GFAP: variants seen among roughly 807,000 people sequenced by gnomAD.
GFAP encodes the protein intermediate filament protein.
GFAP carries 38 observed loss-of-function variants against 49.3 expected under a neutral mutation model. That is an observed-to-expected ratio of 0.77 (90% CI 0.60 to 1.01). The LOEUF is 1.01. Among genes scored for constraint, GFAP ranks in the 50% least tolerant of loss-of-function variants. The pLI is 0.00. For missense variants in GFAP, 463 were observed against 579.1 expected (o/e 0.80, Z 2.06); for synonymous variants, 222 against 236.4 (o/e 0.94, Z 0.56).
rs988078929 is a variant in GFAP, at chr17:44,904,068, C to T, written c.*3279G>A. The stretch of plus-strand genomic sequence containing the variant: ...GGTAGCAGCCACACCAAAGTGCTGA[C>T]GGACTTTGATGGGCGGGTGCTGACG... On this transcript the variant is annotated 3_prime_UTR_variant, in exon 9 of 9. Coordinates refer to ENST00000588735, the MANE Select transcript of GFAP (RefSeq NM_002055.5). 2.5e-5 allele frequency: 39 copies of T among 1,550,520 alleles called. No individual in the cohort carries two copies. In the African/African-American group the frequency reaches 3.0e-4, roughly 12 times the overall value.
At chr17:44,914,347 A>G (rs893548285) in intron 1 of GFAP, 1 of 542,576 alleles carries the variant, frequency 1.8e-6, no homozygotes, top group African/African-American at 1.9e-5. Flanking sequence ...GCGCATCCAC[A>G]AGCATACACT....
In GFAP at chr17:44,904,270, G is replaced by T; in HGVS notation, c.*3077C>A. ...ACATCCAGAACAGTGAGGGAATGGT[G>T]GCCACTTTCCAGGACAAGGGCCAGG... On this transcript the variant is annotated 3_prime_UTR_variant, in exon 9 of 9. Coordinates refer to ENST00000588735, the MANE Select transcript of GFAP (RefSeq NM_002055.5). The T allele has an allele frequency of 6.5e-7, 1 of 1,550,280 alleles. No individual in the cohort carries two copies. Among genetic ancestry groups the T allele is most frequent in the Non-Finnish European group, 8.7e-7 (1 of 1,146,882 alleles).
Position 44,904,168 on chromosome 17 carries a change from C to T in GFAP, c.*3179G>A. On this transcript the variant is annotated 3_prime_UTR_variant, in exon 9 of 9. Coordinates refer to ENST00000588735, the MANE Select transcript of GFAP (RefSeq NM_002055.5). ...TCCGCATGTTCAGCTTGTTGGTTTTCAGGGCTCAGTCTGAGGACTCAGGCC... is the reference window on the plus strand; with the variant it reads ...TCCGCATGTTCAGCTTGTTGGTTTTTAGGGCTCAGTCTGAGGACTCAGGCC... 1 of 1,550,366 alleles carries T rather than the reference C, an allele frequency of 6.5e-7. No homozygotes were observed. The highest frequency in any genetic ancestry group is 8.7e-7 in the Non-Finnish European group (1 of 1,146,796).
At chr17:44,909,826 G>T in intron 7 of GFAP, 3 of 1,212,806 alleles carry the variant, frequency 2.5e-6, no homozygotes, top group Non-Finnish European at 3.1e-6. Context: ...GGCACAGCGA[G>T]ACCCAAGGGG....
chr17:44,908,158 G>A lies in GFAP; in HGVS notation c.1172-9C>T. On this transcript the variant is annotated splice_polypyrimidine_tract_variant and intron_variant, in intron 7 of 8. Coordinates refer to ENST00000588735, the MANE Select transcript of GFAP (RefSeq NM_002055.5). ...GGTGTCCAGGCTGGTTTCTGCAGATGTGGGGAGAGGAGGCCTCTCATGGAC... is the reference window on the plus strand; with the variant it reads ...GGTGTCCAGGCTGGTTTCTGCAGATATGGGGAGAGGAGGCCTCTCATGGAC... The A allele has an allele frequency of 6.3e-7, 1 of 1,598,244 alleles. No individual in the cohort carries two copies. Among genetic ancestry groups the A allele is most frequent in the Non-Finnish European group, 8.6e-7 (1 of 1,166,034 alleles).
chr17:44,910,524 T>C (rs1021449190), intron 7 of GFAP, 91 bp downstream of exon 7: 1 of 1,552,962 alleles, frequency 6.4e-7, no homozygotes, highest in Non-Finnish European at 8.7e-7. Context: ...CCCTTTGCCC[T>C]GATCCTCAGT....
intron 8 of GFAP, 150 bp from the exon 9 acceptor site, chr17:44,907,538 G>A: frequency 2.8e-6 from 2 of 707,262 alleles, no homozygotes; most frequent in South Asian, 3.0e-5. Flanking sequence ...TTGCGTGGTG[G>A]ACAGAGGGGG....
Position 44,904,865 on chromosome 17 carries a change from T to C in GFAP, c.*2482A>G, listed in dbSNP as rs202112602. Reference sequence around the variant, plus strand: ...GGATGACCGGGGCATCTACTATTGCTGGAGGCAGGGTGTGCTAGTTGCTGG... The same window carrying C: ...GGATGACCGGGGCATCTACTATTGCCGGAGGCAGGGTGTGCTAGTTGCTGG... On this transcript the variant is annotated 3_prime_UTR_variant, in exon 9 of 9. Transcript: ENST00000588735. 2,398 of 1,550,654 alleles carry C rather than the reference T, an allele frequency of 1.5e-3. 5 individuals are homozygous for C. The highest frequency in any genetic ancestry group is 1.6e-3 in the Non-Finnish European group (1,797 of 1,146,978).
chr17:44,908,898 A>AAAGGAAGG (rs200398557), intron 7 of GFAP: 8 of 150,664 alleles, frequency 5.3e-5, no homozygotes, highest in South Asian at 2.1e-4. Context: ...CAGGAAAGAG[A>AAAGGAAGG]AAGGAAGGAA....
At chr17:44,910,892 AG>A in intron 6 of GFAP, 1 of 625,916 alleles carries the variant, frequency 1.6e-6, no homozygotes, top group East Asian at 2.8e-5. Context: ...AAGATGGAAA[AG>A]GGAGGGGAAA....
In GFAP at chr17:44,907,310, C is replaced by A. The variant is rs550446365; in HGVS notation, c.*37G>T. On this transcript the variant is annotated 3_prime_UTR_variant, in exon 9 of 9. Transcript: ENST00000588735. ...CTATCCTGCTTCTGCTCGGGCCCCT[C>A]ATGAGACGGGGCAGAGGCCACCAGG... 8 of 1,604,478 alleles carry A rather than the reference C, an allele frequency of 5.0e-6. 1 individual carries two copies. In the South Asian group the frequency reaches 7.7e-5, roughly 15 times the overall value.
rs1179535987 is a variant in GFAP, at chr17:44,907,172, G to C, written c.*175C>G. ...TGGGTGGGTGCCGTCTGGCAGGCCT[G>C]ATACTGACGGAGCCTAGGGCAGCAA... On this transcript the variant is annotated 3_prime_UTR_variant, in exon 9 of 9. Coordinates refer to ENST00000588735, the MANE Select transcript of GFAP (RefSeq NM_002055.5). 1.5e-6 allele frequency: 1 copy of C among 670,360 alleles called. No individual in the cohort carries two copies. Among genetic ancestry groups the C allele is most frequent in the Non-Finnish European group, 2.7e-6 (1 of 367,662 alleles). The allele number at this position is 670,360 out of a possible 1,614,324, so 41.5% of individuals were successfully genotyped here.
chr17:44,913,557 G>C (rs369288384), intron 3 of GFAP, 127 bp from the exon 4 acceptor site: 2 of 1,109,974 alleles, frequency 1.8e-6, no homozygotes, highest in Non-Finnish European at 2.8e-6. Context: ...GTCTCTTTCC[G>C]TCTCCCTTAG....
intron 7 of GFAP, chr17:44,909,986 C>T (rs761739283): frequency 1.1e-4 from 165 of 1,517,568 alleles, no homozygotes; most frequent in Non-Finnish European, 1.4e-4. Context: ...ACGTCCTGGG[C>T]TGGGCACTGC....
At position 44,903,687 on chromosome 17, in the gene GFAP, C is replaced by G; in HGVS notation, c.*3660G>C. The G allele has an allele frequency of 7.0e-7, 1 of 1,437,170 alleles. No homozygotes were observed. Among genetic ancestry groups the G allele is most frequent in the Non-Finnish European group, 9.1e-7 (1 of 1,101,348 alleles). 89.0% of individuals were successfully genotyped at this position (1,437,170 alleles called of 1,614,324 possible). ...AAATTGCCTTGCACTTGGCGGCTTC[C>G]TCTGCAGATTGTTGCTGCTTTTCCT... is the stretch of plus-strand genomic sequence containing the variant. On this transcript the variant is annotated 3_prime_UTR_variant, in exon 9 of 9. Coordinates refer to ENST00000588735, the MANE Select transcript of GFAP (RefSeq NM_002055.5).
Position 44,911,302 on chromosome 17 carries a change from T to C in GFAP, c.1061A>G (p.Asn354Ser), listed in dbSNP as rs1421629467. 2.5e-6 allele frequency: 4 copies of C among 1,613,992 alleles called. No individual in the cohort carries two copies. The Admixed American group carries it at 5.0e-5, about 20-fold the overall frequency. ...RHLQEYQDLL[N>S]VKLALDIEIA... Reference sequence around the variant, plus strand: ...CTCGATGTCCAGGGCCAGCTTGACATTGAGCAGGTCCTGGTACTCCTGCAA... The same window carrying C: ...CTCGATGTCCAGGGCCAGCTTGACACTGAGCAGGTCCTGGTACTCCTGCAA... Residue 354 changes from asparagine (N) to serine (S), a missense_variant, in exon 6 of 9, where the codon AAT becomes AGT. By Grantham distance (46) the Asn-to-Ser change is conservative (BLOSUM62 1). Transcript: ENST00000588735.
rs748366808 is a variant in GFAP at position 44,911,780 on chromosome 17, G to T, written c.798C>A (p.Asp266Glu). ...GCAGCTCCGCGTTGCGGGCAGCAGC[G>T]TCTGTCAGGTCTGCAAACTAGGTGG... ...WYRSKFADLT[D>E]AAARNAELLR... The change falls in exon 5 of 9, where the codon GAC becomes GAA. Residue 266 changes from aspartate to glutamate, a missense_variant. This residue lies in a region of GFAP where 362 missense variants were observed against 445.5 expected (regional missense o/e 0.81). Coordinates refer to ENST00000588735, the MANE Select transcript of GFAP (RefSeq NM_002055.5). 12 of 1,613,442 alleles carry T rather than the reference G, an allele frequency of 7.4e-6. No individual in the cohort carries two copies. In the Admixed American group the frequency reaches 1.5e-4, roughly 20 times the overall value.
chr17:44,911,537 C>A, intron 5 of GFAP, 81 bp from the exon 6 acceptor site: 8 of 1,552,730 alleles, frequency 5.2e-6, no homozygotes, highest in Non-Finnish European at 7.0e-6. Flanking sequence ...GGCCCCAGGC[C>A]CCGCCTCTAG....
Position 44,903,502 on chromosome 17 carries a change from C to A in GFAP, c.*3845G>T, listed in dbSNP as rs539555310. 7.8e-7 allele frequency: 1 copy of A among 1,277,022 alleles called. No individual in the cohort carries two copies. The highest frequency in any genetic ancestry group is 9.9e-7 in the Non-Finnish European group (1 of 1,014,938). The allele number at this position is 1,277,022 out of a possible 1,614,324, so 79.1% of individuals were successfully genotyped here. A position where few individuals can be genotyped will look rare whatever the true frequency, so the allele number is the denominator to read the frequency against. The stretch of plus-strand genomic sequence containing the variant: ...CAGAGATCTCCCTGCCCGAGCACCT[C>A]GGCCCGCCCTTCTCATTCCGGTTTC... On this transcript the variant is annotated 3_prime_UTR_variant, in exon 9 of 9. Coordinates refer to ENST00000588735, the MANE Select transcript of GFAP (RefSeq NM_002055.5).
Sources: gnomAD v4.1 joint callset for allele counts on GRCh38, gnomAD v4.1.1 for gene constraint, gnomAD v4.1.1 regional missense constraint, MANE v1.5 for transcripts, NCBI Gene and HGNC (gene_info 2026-07-23, HGNC 2026-07-21) for gene names.